Variants in GINS4 observed in about 807,000 individuals in gnomAD.
The protein encoded by GINS4 is GINS complex subunit 4.
Under a neutral mutation model 31.1 loss-of-function variants are expected in GINS4, and 20 were observed. The observed-to-expected ratio is 0.64, with a 90% CI of 0.45 to 0.93. The LOEUF is 0.93. Ranked by LOEUF, GINS4 falls within the 40% of genes least tolerant of loss-of-function variation. The pLI is 0.00. For missense variants in GINS4, 245 were observed against 273.9 expected, an observed-to-expected ratio of 0.89 and a Z score of 0.75; for synonymous variants, 85 against 97.9, an observed-to-expected ratio of 0.87 and a Z score of 0.78.
intron 2 of GINS4, among the ~76,000 whole-genome samples, chr8:41,535,164 C>T (rs1199823419): frequency 6.6e-6 from 1 of 151,940 alleles, no homozygotes; most frequent in African/African-American, 2.4e-5. Flanking sequence ...ACGGTGAAAC[C>T]CTGTCTCTAA....
At chr8:41,532,401 T>C (rs184714824) in intron 2 of GINS4, among the ~76,000 whole-genome samples, 2 of 150,972 alleles carry the variant, frequency 1.3e-5, no homozygotes, top group Admixed American at 1.3e-4. Context: ...ATGGCAAGAA[T>C]GTAGAGCAGC....
rs769679898 is a variant in GINS4, at chr8:41,542,138, C to T, written c.*51C>T. 4.3e-6 allele frequency: 6 copies of T among 1,407,148 alleles called. No individual in the cohort carries two copies. Among genetic ancestry groups the T allele is most frequent in the Non-Finnish European group, 5.0e-6 (5 of 992,190 alleles). 87.2% of individuals were successfully genotyped at this position (1,407,148 alleles called of 1,614,324 possible). A position where few individuals can be genotyped will look rare whatever the true frequency, so the allele number is the denominator to read the frequency against. On this transcript the variant is annotated 3_prime_UTR_variant, in exon 8 of 8. Coordinates refer to ENST00000276533, the MANE Select transcript of GINS4 (RefSeq NM_032336.3). Reference sequence around the variant, plus strand: ...GTGACTCAAGCCTGTAATCCCAGCACTTTGGGAGGCCGAGGCGGGCGGATC... The same window carrying T: ...GTGACTCAAGCCTGTAATCCCAGCATTTTGGGAGGCCGAGGCGGGCGGATC...
chr8:41,538,389 G>T (rs1160055102), intron 4 of GINS4, among the ~76,000 whole-genome samples: 5 of 146,904 alleles, frequency 3.4e-5, no homozygotes, highest in Admixed American at 6.8e-5. Context: ...TATTAAGCTG[G>T]TAGTAATGCC....
At position 41,542,138 on chromosome 8, in the gene GINS4, C is replaced by G. The variant is rs769679898; in HGVS notation, c.*51C>G. 47 of 1,407,146 alleles carry G rather than the reference C, an allele frequency of 3.3e-5. 3 individuals carry two copies. Among genetic ancestry groups the G allele is most frequent in the Admixed American group, 2.0e-4 (12 of 59,740 alleles). 87.2% of individuals were successfully genotyped at this position (1,407,146 alleles called of 1,614,324 possible). On this transcript the variant is annotated 3_prime_UTR_variant, in exon 8 of 8. Coordinates refer to ENST00000276533, the MANE Select transcript of GINS4 (RefSeq NM_032336.3). ...GTGACTCAAGCCTGTAATCCCAGCA[C>G]TTTGGGAGGCCGAGGCGGGCGGATC... is the stretch of plus-strand genomic sequence containing the variant.
chr8:41,534,250 T>A (rs1052533631), intron 2 of GINS4: 2 of 426,628 alleles, frequency 4.7e-6, no homozygotes, highest in South Asian at 1.7e-5. Context: ...TTAAAAAAAA[T>A]TTAAAAATTA....
intron 4 of GINS4, 81 bp from the exon 5 acceptor site, chr8:41,539,597 G>A: frequency 9.9e-7 from 1 of 1,012,292 alleles, no homozygotes; most frequent in South Asian, 1.4e-5. Context: ...GGAGGGTTGT[G>A]TAAACCCTCT....
Position 41,539,984 on chromosome 8 carries a change from A to G in GINS4, c.464A>G (p.Lys155Arg). 1 of 1,613,884 alleles carries G rather than the reference A, an allele frequency of 6.2e-7. No individual in the cohort carries two copies. The highest frequency in any genetic ancestry group is 1.1e-5 in the South Asian group (1 of 91,088). The change falls in exon 6 of 8, where the codon AAG (lysine) becomes AGG (arginine). Residue 155 changes from lysine (K) to arginine (R), a missense_variant. Physicochemically the swap from Lys to Arg is conservative, Grantham distance 26 (BLOSUM62 2). Transcript: ENST00000276533. ...ALKHMPPNLQ[K>R]VDLFRAVPKP... is the part of the protein sequence containing the mutation. ...AAGCACATGCCCCCTAACTTACAGA[A>G]GGTGGACCTCTTTCGGGCAGGTAAA...
chr8:41,531,365 C>T (rs971696714), intron 2 of GINS4, among the ~76,000 whole-genome samples: 1 of 152,188 alleles, frequency 6.6e-6, no homozygotes, highest in African/African-American at 2.4e-5. Context: ...AAGCACTCAG[C>T]ATGCTATCTG....
chr8:41,532,574 C>T (rs549194546), intron 2 of GINS4, among the ~76,000 whole-genome samples: 2 of 152,186 alleles, frequency 1.3e-5, no homozygotes, highest in South Asian at 2.1e-4. Context: ...GTGGCTCACA[C>T]CTGTAATCCC....
At chr8:41,534,652 T>C (rs1270664322) in intron 2 of GINS4, among the ~76,000 whole-genome samples, 1 of 152,136 alleles carries the variant, frequency 6.6e-6, no homozygotes, top group African/African-American at 2.4e-5. Context: ...TACAGAGATA[T>C]GAACAAATGT....
Position 41,542,360 on chromosome 8 carries a change from G to A in GINS4, c.*273G>A, listed in dbSNP as rs1806857585. 6 of 441,902 alleles carry A rather than the reference G, an allele frequency of 1.4e-5. No individual in the cohort carries two copies. The highest frequency in any genetic ancestry group is 2.1e-5 in the Non-Finnish European group (5 of 243,276). 27.4% of individuals were successfully genotyped at this position (441,902 alleles called of 1,614,324 possible). On this transcript the variant is annotated 3_prime_UTR_variant, in exon 8 of 8. Coordinates refer to ENST00000276533, the MANE Select transcript of GINS4 (RefSeq NM_032336.3). ...GGTCGTGCCATTGCACTCCAGCCTGGGTGACAGTGAGACTTTGTCTCAAAA... is the reference window on the plus strand; with the variant it reads ...GGTCGTGCCATTGCACTCCAGCCTGAGTGACAGTGAGACTTTGTCTCAAAA...
chr8:41,535,096 G>A (rs948391100), intron 2 of GINS4, among the ~76,000 whole-genome samples: 2 of 152,024 alleles, frequency 1.3e-5, no homozygotes, highest in Non-Finnish European at 2.9e-5. Flanking sequence ...CCAGCACTTT[G>A]AGAGGCCAAG....
chr8:41,532,810 G>A (rs539135138), intron 2 of GINS4, among the ~76,000 whole-genome samples: 4 of 142,880 alleles, frequency 2.8e-5, no homozygotes, highest in East Asian at 2.0e-4. Flanking sequence ...TCCAGCCTGG[G>A]CAACAGAGCA....
intron 2 of GINS4, among the ~76,000 whole-genome samples, 190 bp downstream of exon 2, chr8:41,530,488 C>T (rs536990119): frequency 6.6e-6 from 1 of 152,344 alleles, no homozygotes; most frequent in Non-Finnish European, 1.5e-5. Flanking sequence ...TCATATCAAA[C>T]ACAGCATCCC....
intron 4 of GINS4, among the ~76,000 whole-genome samples, chr8:41,539,350 G>A (rs1806796237): frequency 6.9e-6 from 1 of 144,526 alleles, no homozygotes; most frequent in African/African-American, 2.6e-5. Context: ...AAAACCTTAT[G>A]TGATTATTAA....
At chr8:41,538,145 C>T (rs1806774340) in intron 4 of GINS4, 2 of 152,154 alleles carry the variant, frequency 1.3e-5, no homozygotes, top group South Asian at 4.1e-4. Flanking sequence ...TAAATTATCT[C>T]TTCTACATGA....
chr8:41,539,335 A>AAC (rs1806795694), intron 4 of GINS4, among the ~76,000 whole-genome samples: 1 of 149,840 alleles, frequency 6.7e-6, no homozygotes, highest in Non-Finnish European at 1.5e-5. Context: ...AAAAAAAAAA[A>AAC]AAAAAAAACC....
At chr8:41,530,984 C>A (rs138531209) in intron 2 of GINS4, among the ~76,000 whole-genome samples, 167 of 152,266 alleles carry the variant, frequency 1.1e-3, no homozygotes, top group African/African-American at 3.9e-3. Flanking sequence ...AAAATTGAGA[C>A]AATAGGGCCG....
At chr8:41,538,112 CTCTT>C (rs1273942755) in intron 4 of GINS4, 1 of 151,850 alleles carries the variant, frequency 6.6e-6, no homozygotes, top group Non-Finnish European at 1.5e-5. Flanking sequence ...TTCTATGTGT[CTCTT>C]TAGTTATTAC....
Sources: gnomAD v4.1 joint callset for allele counts (sites outside exome capture counted in the v4.1 genomes callset) on GRCh38, gnomAD v4.1.1 for gene constraint, MANE v1.5 for transcripts, NCBI Gene and HGNC (gene_info 2026-07-23, HGNC 2026-07-21) for gene names.